The following CDKAL1 variants were observed in gnomAD, a reference collection of about 807,000 sequenced individuals.
The protein encoded by CDKAL1 is CDKAL1 threonylcarbamoyladenosine tRNA methylthiotransferase.
Under a neutral mutation model 68.2 loss-of-function variants are expected in CDKAL1, and 32 were observed. The observed-to-expected ratio is 0.47, with a 90% CI of 0.35 to 0.63. CDKAL1 has a LOEUF of 0.63. Ranked by LOEUF, CDKAL1 falls within the 30% of genes least tolerant of loss-of-function variation. The pLI is 0.00. For missense variants in CDKAL1, 606 were observed against 696.7 expected, an observed-to-expected ratio of 0.87 and a Z score of 1.47; for synonymous variants, 234 against 244.3, an observed-to-expected ratio of 0.96 and a Z score of 0.39.
chr6:20,933,924 CTTT>C (rs398065625), intron 9 of CDKAL1, among the ~76,000 whole-genome samples: 1 of 144,748 alleles, frequency 6.9e-6, no homozygotes, highest in Non-Finnish European at 1.5e-5. Flanking sequence ...ATTGTTTAAT[CTTT>C]TTTTTTTTTT....
rs368104818 is a variant in CDKAL1 at position 20,888,987 on chromosome 6, A to G, written c.742+42809A>G. 4.4e-4 allele frequency among the ~76,000 whole-genome samples: 67 copies of G among 152,324 alleles called. No individual in the cohort carries two copies. The East Asian group carries it at 0.012, about 26-fold the overall frequency. On this transcript the variant is annotated intron_variant, in intron 9 of 15. Coordinates refer to ENST00000274695, the MANE Select transcript of CDKAL1 (RefSeq NM_017774.3). ...GTTGAACTAGTTTACAGTCCCACCA[A>G]CAGTGTCAAAGTGTTCCTATTTCTC...
intron 7 of CDKAL1, among the ~76,000 whole-genome samples, chr6:20,762,444 G>A (rs1426413535): frequency 6.6e-6 from 1 of 152,196 alleles, no homozygotes; most frequent in Non-Finnish European, 1.5e-5. Flanking sequence ...AAGCTGAGCT[G>A]TGAAGGAGTT....
intron 11 of CDKAL1, among the ~76,000 whole-genome samples, chr6:21,031,429 G>C (rs1032228142): frequency 6.6e-6 from 1 of 151,620 alleles, no homozygotes; most frequent in Non-Finnish European, 1.5e-5. Context: ...CCACTAATTT[G>C]GGACCTTAAG....
At chr6:21,218,722 G>A (rs1779427566) in intron 15 of CDKAL1, among the ~76,000 whole-genome samples, 6 of 152,318 alleles carry the variant, frequency 3.9e-5, no homozygotes, top group Middle Eastern at 6.8e-3. Context: ...GAGCAAGCAA[G>A]CAAGCAGAGA....
At chr6:20,991,113 G>A (rs1766766590) in intron 10 of CDKAL1, among the ~76,000 whole-genome samples, 2 of 152,172 alleles carry the variant, frequency 1.3e-5, no homozygotes, top group Non-Finnish European at 2.9e-5. Flanking sequence ...CAACTGTCTG[G>A]AAAAAGATAT....
At chr6:21,036,689 A>G (rs1769616768) in intron 11 of CDKAL1, among the ~76,000 whole-genome samples, 1 of 152,208 alleles carries the variant, frequency 6.6e-6, no homozygotes, top group African/African-American at 2.4e-5. Context: ...GTTGTGATGA[A>G]TTAGCATTTT....
At chr6:20,758,485 C>G in intron 6 of CDKAL1, 110 bp from the exon 7 acceptor site, 1 of 759,516 alleles carries the variant, frequency 1.3e-6, no homozygotes, top group East Asian at 2.6e-5. Context: ...TAAAGGAAAC[C>G]TGCATTGATG....
intron 9 of CDKAL1, among the ~76,000 whole-genome samples, chr6:20,948,874 A>G (rs891579313): frequency 3.3e-5 from 5 of 152,222 alleles, no homozygotes; most frequent in African/African-American, 1.2e-4. Flanking sequence ...CAGAAAGTGT[A>G]TCATCCTTTT....
At chr6:20,898,877 G>T (rs147564721) in intron 9 of CDKAL1, among the ~76,000 whole-genome samples, 2 of 152,022 alleles carry the variant, frequency 1.3e-5, no homozygotes, top group African/African-American at 4.8e-5. Context: ...GGGCTCCCAG[G>T]GTTTTCCCTG....
chr6:20,973,555 C>G (rs1357035536), intron 10 of CDKAL1, among the ~76,000 whole-genome samples: 1 of 152,188 alleles, frequency 6.6e-6, no homozygotes, highest in Non-Finnish European at 1.5e-5. Context: ...GCTTCAGCTG[C>G]TGCCATCCTG....
intron 9 of CDKAL1, among the ~76,000 whole-genome samples, chr6:20,861,367 G>C (rs1262429866): frequency 6.6e-6 from 1 of 152,188 alleles, no homozygotes; most frequent in Non-Finnish European, 1.5e-5. Flanking sequence ...TGGAGTGCTG[G>C]ATTTGACTCA....
intron 11 of CDKAL1, among the ~76,000 whole-genome samples, chr6:21,059,915 C>T (rs935732688): frequency 3.3e-5 from 5 of 152,120 alleles, no homozygotes; most frequent in African/African-American, 1.2e-4. Flanking sequence ...GCTCCTGTCC[C>T]ACCCTCCCCC....
chr6:20,967,633 T>TA lies in CDKAL1; in HGVS notation c.909+12053dup, dbSNP rs535557918. 2.3e-3 allele frequency among the ~76,000 whole-genome samples: 353 copies of TA among 152,348 alleles called. 3 individuals are homozygous for TA. The highest frequency in any genetic ancestry group is 2.3e-3 in the Non-Finnish European group (159 of 68,036). On this transcript the variant is annotated intron_variant, in intron 10 of 15. Transcript: ENST00000274695. ...CAGTTGTCTTTTAAATCAGATAATA[T>TA]AAAAACAAGAGTTACAAACAAAAAC... is the stretch of plus-strand genomic sequence containing the variant.
chr6:20,914,874 C>T (rs1240480801), intron 9 of CDKAL1, among the ~76,000 whole-genome samples: 1 of 152,104 alleles, frequency 6.6e-6, no homozygotes, highest in African/African-American at 2.4e-5. Context: ...AGTTGTATCA[C>T]TAAGGTATTG....
chr6:20,592,810 A>T (rs992206226), intron 4 of CDKAL1, among the ~76,000 whole-genome samples: 26 of 152,254 alleles, frequency 1.7e-4, no homozygotes, highest in Admixed American at 1.5e-3. Context: ...TGGATTTGTC[A>T]TAAGTAGCTC....
chr6:20,793,358 G>A (rs982796530), intron 8 of CDKAL1, among the ~76,000 whole-genome samples: 3 of 152,118 alleles, frequency 2.0e-5, no homozygotes, highest in Non-Finnish European at 4.4e-5. Context: ...CAGTAGCGGC[G>A]TTGATGTTGA....
chr6:21,044,785 A>T (rs1770130017), intron 11 of CDKAL1, among the ~76,000 whole-genome samples: 1 of 151,986 alleles, frequency 6.6e-6, no homozygotes, highest in Non-Finnish European at 1.5e-5. Flanking sequence ...GGTTGTTTTG[A>T]TGTCTCCGTG....
intron 13 of CDKAL1, among the ~76,000 whole-genome samples, chr6:21,129,598 G>A (rs1338937200): frequency 2.1e-5 from 3 of 141,594 alleles, no homozygotes; most frequent in Non-Finnish European, 4.5e-5. Context: ...GCAGCATGTT[G>A]TAGGCACGTT....
chr6:20,996,718 C>T (rs1767132780), intron 10 of CDKAL1, among the ~76,000 whole-genome samples: 1 of 152,128 alleles, frequency 6.6e-6, no homozygotes, highest in Non-Finnish European at 1.5e-5. Flanking sequence ...AAATGTGACA[C>T]AGAGATACGA....
Sources: gnomAD v4.1 joint callset for allele counts (sites outside exome capture counted in the v4.1 genomes callset) on GRCh38, gnomAD v4.1.1 for gene constraint, MANE v1.5 for transcripts, NCBI Gene and HGNC (gene_info 2026-07-23, HGNC 2026-07-21) for gene names.